TMEM132D: variants seen among roughly 807,000 people sequenced by gnomAD.
TMEM132D encodes transmembrane protein 132D.
A neutral mutation model predicts 62.3 loss-of-function variants in TMEM132D; 21 were observed. The ratio of observed to expected loss-of-function variants is 0.34; its 90% confidence interval spans 0.24 to 0.49. TMEM132D has a LOEUF of 0.49. Ranked by LOEUF, TMEM132D falls within the 20% of genes least tolerant of loss-of-function variation. TMEM132D has a pLI of 0.99. For missense variants in TMEM132D, 1,346 were observed against 1,402.8 expected, an observed-to-expected ratio of 0.96 and a Z score of 0.65; for synonymous variants, 621 against 575.6, an observed-to-expected ratio of 1.08 and a Z score of -1.13.
intron 2 of TMEM132D, among the ~76,000 whole-genome samples, chr12:129,563,437 C>T (rs1210355646): frequency 1.3e-5 from 2 of 152,144 alleles, no homozygotes; most frequent in East Asian, 3.9e-4. Flanking sequence ...AGCCCTCTTT[C>T]TTTGATCTCC....
At chr12:129,348,106 G>A (rs1593346368) in intron 3 of TMEM132D, among the ~76,000 whole-genome samples, 3 of 152,294 alleles carry the variant, frequency 2.0e-5, no homozygotes, top group South Asian at 4.1e-4. Context: ...CACTGTTGGT[G>A]GGAGTGTAAA....
intron 1 of TMEM132D, among the ~76,000 whole-genome samples, chr12:129,871,134 T>C (rs916281250): frequency 2.0e-5 from 3 of 152,182 alleles, no homozygotes; most frequent in African/African-American, 7.2e-5. Flanking sequence ...ACACCTGCAA[T>C]TTCAATGTGG....
At chr12:129,421,243 G>A (rs192152719) in intron 3 of TMEM132D, among the ~76,000 whole-genome samples, 12 of 152,258 alleles carry the variant, frequency 7.9e-5, no homozygotes, top group African/African-American at 2.6e-4. Flanking sequence ...GATTACAGGC[G>A]TGAGCCACCA....
chr12:129,109,735 G>C (rs143623899), intron 5 of TMEM132D: 4,055 of 162,752 alleles, frequency 0.025, 69 homozygotes, highest in Non-Finnish European at 0.039. Context: ...ATGATTCTGA[G>C]GCCTCCCTAG....
intron 5 of TMEM132D, among the ~76,000 whole-genome samples, chr12:129,183,815 G>A (rs756562646): frequency 4.1e-5 from 6 of 146,154 alleles, no homozygotes; most frequent in African/African-American, 1.1e-4. Context: ...GTAGGGGCAC[G>A]GATGATTCTT....
rs71082753 is a variant in TMEM132D at position 129,760,323 on chromosome 12, C to CTTTTTTTTTTTTTTTTTTT, written c.80-59644_80-59626dup. On this transcript the variant is annotated intron_variant, in intron 1 of 8. Transcript: ENST00000422113. ...AGACAGAAATGATGTAAGCCACTTT[C>CTTTTTTTTTTTTTTTTTTT]TTTTTTTTTTTTTTTTTTTTTTTTT... 6.1e-5 allele frequency among the ~76,000 whole-genome samples: 7 copies of CTTTTTTTTTTTTTTTTTTT among 115,500 alleles called. 1 individual carries two copies. Among genetic ancestry groups the CTTTTTTTTTTTTTTTTTTT allele is most frequent in the African/African-American group, 2.5e-4 (7 of 27,668 alleles). The allele number at this position is 115,500 out of a possible 152,430, so 75.8% of individuals were successfully genotyped here. A position where few individuals can be genotyped will look rare whatever the true frequency, so the allele number is the denominator to read the frequency against.
At chr12:129,757,464 T>A (rs544701991) in intron 1 of TMEM132D, among the ~76,000 whole-genome samples, 1 of 152,272 alleles carries the variant, frequency 6.6e-6, no homozygotes, top group South Asian at 2.1e-4. Context: ...TCAGCCAAAC[T>A]TCTGCCATCG....
In TMEM132D at chr12:129,165,925, G is replaced by A. The variant is rs57128372; in HGVS notation, c.1443+43595C>T. ...GAATAATAGTGGCTATTCACGTGACGCTGACTATGGGCTGAGCCCTGGGTT... is the reference window on the plus strand; with the variant it reads ...GAATAATAGTGGCTATTCACGTGACACTGACTATGGGCTGAGCCCTGGGTT... On this transcript the variant is annotated intron_variant, in intron 5 of 8. Coordinates refer to ENST00000422113, the MANE Select transcript of TMEM132D (RefSeq NM_133448.3). Among the ~76,000 whole-genome samples the A allele has an allele frequency of 1.6e-3, 237 of 152,296 alleles. 4 individuals are homozygous for A. In the East Asian group the frequency reaches 0.04, roughly 26 times the overall value.
intron 2 of TMEM132D, among the ~76,000 whole-genome samples, chr12:129,623,080 G>A (rs1202860424): frequency 6.6e-6 from 1 of 152,164 alleles, no homozygotes; most frequent in African/African-American, 2.4e-5. Context: ...GAGAGAAAGA[G>A]ACTGAGATTT....
intron 3 of TMEM132D, among the ~76,000 whole-genome samples, chr12:129,397,670 T>A (rs117760947): frequency 0.024 from 3,590 of 152,330 alleles, 62 homozygotes; most frequent in Middle Eastern, 0.061. Flanking sequence ...AATCAGTGAT[T>A]GTGATTGGTT....
chr12:129,775,183 G>C (rs186359683), intron 1 of TMEM132D, among the ~76,000 whole-genome samples: 111 of 152,326 alleles, frequency 7.3e-4, no homozygotes, highest in African/African-American at 1.1e-3. Flanking sequence ...ATCATTAAAA[G>C]TGTTGCTATT....
intron 1 of TMEM132D, among the ~76,000 whole-genome samples, chr12:129,871,741 A>G (rs949508981): frequency 6.6e-6 from 1 of 152,198 alleles, no homozygotes; most frequent in Non-Finnish European, 1.5e-5. Context: ...TGTGGGCGTG[A>G]GAACCAATTT....
intron 3 of TMEM132D, among the ~76,000 whole-genome samples, chr12:129,411,742 A>T (rs2135706122): frequency 6.6e-6 from 1 of 152,292 alleles, no homozygotes; most frequent in East Asian, 1.9e-4. Flanking sequence ...GGGACAAAAC[A>T]TCTCTCAGCT....
chr12:129,741,961 T>C (rs1032456958), intron 1 of TMEM132D, among the ~76,000 whole-genome samples: 4 of 152,150 alleles, frequency 2.6e-5, no homozygotes, highest in African/African-American at 9.7e-5. Flanking sequence ...AGGTCCATGA[T>C]TGGGGTCATA....
At chr12:129,620,789 T>C (rs1879044341) in intron 2 of TMEM132D, among the ~76,000 whole-genome samples, 1 of 151,388 alleles carries the variant, frequency 6.6e-6, no homozygotes, top group Non-Finnish European at 1.5e-5. Context: ...GATGGACACA[T>C]GGGGGAGAAA....
At chr12:129,480,459 C>T (rs1381012302) in intron 3 of TMEM132D, among the ~76,000 whole-genome samples, 1 of 152,232 alleles carries the variant, frequency 6.6e-6, no homozygotes, top group East Asian at 1.9e-4. Context: ...GGACAAAGCT[C>T]AGCTAGGCGG....
intron 5 of TMEM132D, among the ~76,000 whole-genome samples, chr12:129,170,744 G>A (rs373295608): frequency 5.3e-4 from 80 of 151,822 alleles, no homozygotes; most frequent in African/African-American, 1.8e-3. Context: ...AGAATTGCTT[G>A]AACCTGGGAG....
At chr12:129,772,424 A>AG (rs1333076807) in intron 1 of TMEM132D, among the ~76,000 whole-genome samples, 2 of 152,312 alleles carry the variant, frequency 1.3e-5, no homozygotes, top group South Asian at 2.1e-4. Flanking sequence ...AGTATCATAT[A>AG]GGGGGGAAAA....
At chr12:129,346,106 C>A (rs2135665080) in intron 3 of TMEM132D, among the ~76,000 whole-genome samples, 1 of 152,230 alleles carries the variant, frequency 6.6e-6, no homozygotes, top group Non-Finnish European at 1.5e-5. Context: ...ATTACTGCCT[C>A]AATTTCAGAA....
Sources: gnomAD v4.1 joint callset for allele counts (sites outside exome capture counted in the v4.1 genomes callset) on GRCh38, gnomAD v4.1.1 for gene constraint, MANE v1.5 for transcripts, NCBI Gene and HGNC (gene_info 2026-07-23, HGNC 2026-07-21) for gene names.